MBD5: variants seen among roughly 807,000 people sequenced by gnomAD.
MBD5 encodes methyl-CpG binding domain protein 5.
A neutral mutation model predicts 117.3 loss-of-function variants in MBD5; 13 were observed. The ratio of observed to expected loss-of-function variants is 0.11; its 90% CI spans 0.07 to 0.18. MBD5 has a LOEUF of 0.18. Among genes scored for constraint, MBD5 ranks in the 10% least tolerant of loss-of-function variants. MBD5 has a pLI of 1.00. For synonymous variants in MBD5, 727 were observed against 766.4 expected, an observed-to-expected ratio of 0.95 and a Z score of 0.85; for missense variants, 1,879 against 2,093.8, an observed-to-expected ratio of 0.90 and a Z score of 2.00.
At chr2:148,344,351 A>G (rs1470434141) in intron 4 of MBD5, among the ~76,000 whole-genome samples, 1 of 152,132 alleles carries the variant, frequency 6.6e-6, no homozygotes, top group African/African-American at 2.4e-5. Flanking sequence ...AATTCTGTGA[A>G]AAATGACATT....
intron 1 of MBD5, among the ~76,000 whole-genome samples, chr2:148,155,955 G>T (rs1381265661): frequency 1.3e-5 from 2 of 152,190 alleles, no homozygotes; most frequent in African/African-American, 4.8e-5. Flanking sequence ...TATACCTTCA[G>T]AGAGAAAAGA....
At chr2:148,024,531 T>A (rs574350816) in intron 1 of MBD5, among the ~76,000 whole-genome samples, 1 of 152,318 alleles carries the variant, frequency 6.6e-6, no homozygotes, top group South Asian at 2.1e-4. Flanking sequence ...ATAATCCATG[T>A]TAGTTTTAGA....
chr2:148,294,501 G>GTTTTTTTTTTTTTTTTTTTTTTTTTT (rs58961481), intron 3 of MBD5, among the ~76,000 whole-genome samples: 6 of 113,260 alleles, frequency 5.3e-5, no homozygotes, highest in African/African-American at 1.8e-4. Context: ...TGGGATTACA[G>GTTTTTTTTTTTTTTTTTTTTTTTTTT]TTTTTTTTTT....
chr2:148,215,618 C>T (rs1262137988), intron 2 of MBD5, among the ~76,000 whole-genome samples: 1 of 151,854 alleles, frequency 6.6e-6, no homozygotes, highest in Non-Finnish European at 1.5e-5. Context: ...AACTCCAGGC[C>T]TCAGGTGATC....
At chr2:148,412,902 C>A (rs550266310) in intron 4 of MBD5, among the ~76,000 whole-genome samples, 16 of 152,072 alleles carry the variant, frequency 1.1e-4, no homozygotes, top group Admixed American at 2.0e-4. Flanking sequence ...ATATCGTCTG[C>A]AAACAGATGG....
chr2:148,379,764 A>C (rs948220892), intron 4 of MBD5, among the ~76,000 whole-genome samples: 3 of 152,134 alleles, frequency 2.0e-5, no homozygotes, highest in Non-Finnish European at 4.4e-5. Context: ...TATAACAGGA[A>C]CCATCAGTAT....
chr2:148,508,232 G>A (rs1447235243), intron 12 of MBD5, among the ~76,000 whole-genome samples: 1 of 152,012 alleles, frequency 6.6e-6, no homozygotes, highest in Non-Finnish European at 1.5e-5. Flanking sequence ...AGATGACCAG[G>A]GCCCCTTGAA....
intron 1 of MBD5, among the ~76,000 whole-genome samples, chr2:148,143,037 T>C (rs1269445050): frequency 6.6e-6 from 1 of 152,164 alleles, no homozygotes; most frequent in Non-Finnish European, 1.5e-5. Context: ...GAAATGGCAA[T>C]TATACGGATG....
At chr2:148,097,187 C>T (rs1290436987) in intron 1 of MBD5, among the ~76,000 whole-genome samples, 3 of 151,980 alleles carry the variant, frequency 2.0e-5, no homozygotes, top group Non-Finnish European at 4.4e-5. Flanking sequence ...CTACTTTTAG[C>T]TAAGATGAAA....
In MBD5 at chr2:148,468,809, G is replaced by T; in HGVS notation, c.866G>T (p.Cys289Phe). 1 of 1,613,780 alleles carries T rather than the reference G, an allele frequency of 6.2e-7. No individual in the cohort carries two copies. Among genetic ancestry groups the T allele is most frequent in the Non-Finnish European group, 8.5e-7 (1 of 1,179,840 alleles). The change falls in exon 8 of 14, where the codon TGT becomes TTT. Residue 289 changes from cysteine (C) to phenylalanine (F), a missense_variant. By Grantham distance (205) the Cys-to-Phe change is radical. Coordinates refer to ENST00000642680, the MANE Select transcript of MBD5 (RefSeq NM_001378120.1). Reference sequence around the variant, plus strand: ...CATGGTTCTCCTGTACAGTCATCCTGTGCAATGGCTGGAAGGACTAATATA... The same window carrying T: ...CATGGTTCTCCTGTACAGTCATCCTTTGCAATGGCTGGAAGGACTAATATA... Reference protein sequence around the residue: ...MLHGSPVQSSCAMAGRTNIPL... With the variant: ...MLHGSPVQSSFAMAGRTNIPL...
At chr2:148,239,686 TACAC>T (rs34980624) in intron 3 of MBD5, among the ~76,000 whole-genome samples, 2,104 of 141,562 alleles carry the variant, frequency 0.015, 29 homozygotes, top group Non-Finnish European at 0.019. Flanking sequence ...TTTATTTACT[TACAC>T]ACACACACAC....
chr2:148,057,946 A>T (rs1247255406), intron 1 of MBD5, among the ~76,000 whole-genome samples: 2 of 151,992 alleles, frequency 1.3e-5, no homozygotes, highest in Non-Finnish European at 2.9e-5. Flanking sequence ...ATCTGGTTCA[A>T]GTTTATTGAT....
At chr2:148,352,588 T>TTCAATGAGTAGTCA (rs1288797289) in intron 4 of MBD5, among the ~76,000 whole-genome samples, 75 of 152,188 alleles carry the variant, frequency 4.9e-4, no homozygotes, top group African/African-American at 1.7e-3. Flanking sequence ...TATAATGTCA[T>TTCAATGAGTAGTCA]TTGAAAAAAT....
chr2:148,162,956 C>T (rs1375917071), intron 1 of MBD5, among the ~76,000 whole-genome samples: 1 of 152,096 alleles, frequency 6.6e-6, no homozygotes, highest in African/African-American at 2.4e-5. Flanking sequence ...TACTTAACAG[C>T]CACCTTGATA....
intron 2 of MBD5, among the ~76,000 whole-genome samples, chr2:148,188,423 A>G (rs1275600771): frequency 6.6e-6 from 1 of 152,210 alleles, no homozygotes; most frequent in African/African-American, 2.4e-5. Context: ...ATGATGGCCA[A>G]TGCCTGTAAG....
At chr2:148,234,781 T>C (rs1419634686) in intron 3 of MBD5, among the ~76,000 whole-genome samples, 1 of 152,212 alleles carries the variant, frequency 6.6e-6, no homozygotes, top group South Asian at 2.1e-4. Context: ...TTCTTTCTTA[T>C]AACCCTTTAT....
At chr2:148,112,862 A>G (rs1345879821) in intron 1 of MBD5, among the ~76,000 whole-genome samples, 7 of 152,004 alleles carry the variant, frequency 4.6e-5, no homozygotes, top group Non-Finnish European at 8.8e-5. Context: ...TAAAAATCTC[A>G]TTGGCCAGGC....
intron 1 of MBD5, among the ~76,000 whole-genome samples, chr2:148,159,776 C>A (rs769826299): frequency 3.9e-5 from 6 of 152,082 alleles, no homozygotes; most frequent in Non-Finnish European, 8.8e-5. Context: ...AGGTACTAAC[C>A]CTTTCAATCC....
intron 1 of MBD5, among the ~76,000 whole-genome samples, chr2:148,081,659 T>A (rs1695651598): frequency 6.6e-6 from 1 of 152,120 alleles, no homozygotes; most frequent in South Asian, 2.1e-4. Flanking sequence ...ATATTGTAAG[T>A]TCTGGTCTCC....
Sources: gnomAD v4.1 joint callset for allele counts (sites outside exome capture counted in the v4.1 genomes callset) on GRCh38, gnomAD v4.1.1 for gene constraint, MANE v1.5 for transcripts, NCBI Gene and HGNC (gene_info 2026-07-23, HGNC 2026-07-21) for gene names.